Variants in ZIM2 observed in about 807,000 individuals in gnomAD.
ZIM2 encodes zinc finger protein 656.
Under a neutral mutation model 38.6 loss-of-function variants are expected in ZIM2, and 14 were observed. That is an observed-to-expected ratio of 0.36 (90% CI 0.24 to 0.57). ZIM2 has a LOEUF of 0.57. ZIM2 is among the 20% of genes least tolerant of loss of function. The pLI is 0.81. For synonymous variants in ZIM2, 247 were observed against 245.8 expected, an observed-to-expected ratio of 1.00 and a Z score of -0.04; for missense variants, 680 against 695.1, an observed-to-expected ratio of 0.98 and a Z score of 0.24.
chr19:56,789,989 G>T, intron 9 of ZIM2, 38 bp from the exon 10 acceptor site: 1 of 1,478,708 alleles, frequency 6.8e-7, no homozygotes. Flanking sequence ...ATTGAGTCCT[G>T]TCTGGTAGCA....
In ZIM2 at chr19:56,774,621, ACACT is replaced by A. The variant is rs1380821976; in HGVS notation, c.*63_*66del. Reference sequence around the variant, plus strand: ...GGTGGGGCTAGTGAAAGGCCTTCTCACACTCACAACACTCTAGGAGGAAGCCAAT... The same window carrying A: ...GGTGGGGCTAGTGAAAGGCCTTCTCACACAACACTCTAGGAGGAAGCCAAT... On this transcript the variant is annotated 3_prime_UTR_variant, in exon 13 of 13. Transcript: ENST00000629319. The A allele has an allele frequency of 9.7e-6, 15 of 1,538,880 alleles. No individual in the cohort carries two copies. Among genetic ancestry groups the A allele is most frequent in the Admixed American group, 3.9e-5 (2 of 51,264 alleles).
chr19:56,775,616 C>G lies in ZIM2; in HGVS notation c.836-87G>C. ...GATATTTCTATAGGCAGGCTTTGCC[C>G]TGGAGTTAGTGCTTTGGTTTCAGGT... On this transcript the variant is annotated intron_variant, in intron 12 of 12. Transcript: ENST00000629319. 3 of 1,504,318 alleles carry G rather than the reference C, an allele frequency of 2.0e-6. No individual in the cohort carries two copies. The South Asian group carries it at 4.2e-5, about 21-fold the overall frequency. 93.2% of individuals were successfully genotyped at this position (1,504,318 alleles called of 1,614,324 possible).
chr19:56,831,413 A>T (rs181951854), intron 2 of ZIM2, among the ~76,000 whole-genome samples: 10 of 152,320 alleles, frequency 6.6e-5, no homozygotes, highest in Admixed American at 4.6e-4. Flanking sequence ...CTAATACCTC[A>T]GTGTTTGGTT....
In ZIM2 at chr19:56,836,098, G is replaced by C. The variant is rs764808536; in HGVS notation, c.-307C>G. ...TCCAAGAAGGACGGAAGATCAAGAA[G>C]GCAAAGCTGTAGAGGAAAAGAAAAT... On this transcript the variant is annotated 5_prime_UTR_variant, in exon 2 of 13. Coordinates refer to ENST00000629319, the MANE Select transcript of ZIM2 (RefSeq NM_001387356.1). 8.2e-6 allele frequency: 4 copies of C among 485,376 alleles called. No individual in the cohort carries two copies. The highest frequency in any genetic ancestry group is 1.6e-5 in the Non-Finnish European group (4 of 242,812). 30.1% of individuals were successfully genotyped at this position (485,376 alleles called of 1,614,324 possible).
intron 9 of ZIM2, chr19:56,813,968 C>G (rs747031416): frequency 2.5e-6 from 4 of 1,614,140 alleles, no homozygotes; most frequent in South Asian, 1.1e-5. Flanking sequence ...TCTTCACCTT[C>G]TTCTGGGTCT....
rs779414241 is a variant in ZIM2 at position 56,775,529 on chromosome 19, C to A, written c.836G>T (p.Gly279Val). ...TDSRHTVICQ[G>V]ESHDDPLEPH... ...TTCCAATGGATCATCATGAGACTCT[C>A]CTGCAGAGACAATGCCAGAAGTTAC... The change falls in exon 13 of 13, where the codon GGA (glycine) becomes GTA (valine). Residue 279 changes from glycine to valine, a missense_variant and splice_region_variant. Gly to Val is a moderately radical substitution (Grantham distance 109, BLOSUM62 -3). Coordinates refer to ENST00000629319, the MANE Select transcript of ZIM2 (RefSeq NM_001387356.1). The A allele has an allele frequency of 6.3e-7, 1 of 1,596,646 alleles. No individual in the cohort carries two copies.
rs201619349 is a variant in ZIM2, at chr19:56,822,738, G to C, written c.190+15C>G. On this transcript the variant is annotated intron_variant, in intron 6 of 12. Coordinates refer to ENST00000629319, the MANE Select transcript of ZIM2 (RefSeq NM_001387356.1). ...TCTATATCTCCTACTGGGAAAGAAAGTGGTTAAGACTCACTGCTTCTTGGG... is the reference window on the plus strand; with the variant it reads ...TCTATATCTCCTACTGGGAAAGAAACTGGTTAAGACTCACTGCTTCTTGGG... 4 of 1,613,728 alleles carry C rather than the reference G, an allele frequency of 2.5e-6. No individual in the cohort carries two copies. In the East Asian group the frequency reaches 8.9e-5, roughly 36 times the overall value.
chr19:56,833,243 C>G (rs986956541), intron 2 of ZIM2: 13 of 488,844 alleles, frequency 2.7e-5, no homozygotes, highest in Admixed American at 1.7e-4. Context: ...ACTTTGGTCC[C>G]TCACCATGGT....
chr19:56,816,429 G>A, intron 9 of ZIM2: 1 of 1,613,914 alleles, frequency 6.2e-7, no homozygotes, highest in Non-Finnish European at 8.5e-7. Context: ...GCCTTTTAAG[G>A]GACTGACCAG....
chr19:56,805,210 T>C (rs1042708213), intron 9 of ZIM2, among the ~76,000 whole-genome samples: 1 of 152,204 alleles, frequency 6.6e-6, no homozygotes, highest in Admixed American at 6.5e-5. Context: ...ACCCCTTCAG[T>C]TGTGACAACC....
intron 9 of ZIM2, among the ~76,000 whole-genome samples, chr19:56,793,915 G>T (rs2047066577): frequency 6.6e-6 from 1 of 152,180 alleles, no homozygotes; most frequent in African/African-American, 2.4e-5. Flanking sequence ...AATAGTGGCT[G>T]CTGTTGGGGG....
intron 2 of ZIM2, among the ~76,000 whole-genome samples, chr19:56,831,452 T>C (rs574130095): frequency 3.3e-4 from 50 of 152,222 alleles, no homozygotes; most frequent in African/African-American, 1.1e-3. Context: ...AGAATTAGGG[T>C]TGGCCTTTGA....
chr19:56,830,570 G>A (rs1010135381), intron 2 of ZIM2, among the ~76,000 whole-genome samples: 2 of 152,172 alleles, frequency 1.3e-5, no homozygotes, highest in Non-Finnish European at 2.9e-5. Context: ...AATTTAACAT[G>A]ACCCTGGAAG....
intron 9 of ZIM2, chr19:56,813,887 C>G: frequency 6.2e-7 from 1 of 1,614,202 alleles, no homozygotes; most frequent in Non-Finnish European, 8.5e-7. Flanking sequence ...TCACTGAATG[C>G]TGTGCTGGAA....
intron 7 of ZIM2, 84 bp from the exon 8 acceptor site, chr19:56,818,786 A>C (rs2060212853): frequency 1.4e-6 from 2 of 1,478,918 alleles, no homozygotes. Context: ...CATGGGAGTT[A>C]CATATATGAA....
chr19:56,790,175 T>C (rs1459805540), intron 9 of ZIM2: 4 of 391,814 alleles, frequency 1.0e-5, no homozygotes, highest in Non-Finnish European at 1.8e-5. Flanking sequence ...TGGCTCCCAC[T>C]GCCTTCCAAA....
At chr19:56,806,094 G>T (rs747672833) in intron 9 of ZIM2, among the ~76,000 whole-genome samples, 1 of 152,136 alleles carries the variant, frequency 6.6e-6, no homozygotes, top group Non-Finnish European at 1.5e-5. Flanking sequence ...ATAATAGAGT[G>T]TGCAAATGAC....
At chr19:56,807,494 T>C (rs1368602148) in intron 9 of ZIM2, among the ~76,000 whole-genome samples, 1 of 152,182 alleles carries the variant, frequency 6.6e-6, no homozygotes, top group Non-Finnish European at 1.5e-5. Flanking sequence ...TCAATATCTC[T>C]GACAGGGCAA....
At chr19:56,783,214 CA>C (rs1327528628) in intron 10 of ZIM2, among the ~76,000 whole-genome samples, 1 of 152,114 alleles carries the variant, frequency 6.6e-6, no homozygotes, top group African/African-American at 2.4e-5. Context: ...TATAGCCATA[CA>C]ATGAAATAGT....
Sources: gnomAD v4.1 joint callset for allele counts (sites outside exome capture counted in the v4.1 genomes callset) on GRCh38, gnomAD v4.1.1 for gene constraint, MANE v1.5 for transcripts, NCBI Gene and HGNC (gene_info 2026-07-23, HGNC 2026-07-21) for gene names.